PARL: variants seen among roughly 807,000 people sequenced by gnomAD.
The protein encoded by PARL is presenilin-associated rhomboid-like protein, mitochondrial.
In PARL, 44 loss-of-function variants were observed where a neutral mutation model predicts 51.6. That is an observed-to-expected ratio of 0.85 (90% CI 0.67 to 1.10). PARL has a LOEUF of 1.10. PARL is among the 50% of genes least tolerant of loss of function. The pLI is 0.00. For missense variants in PARL, 441 were observed against 469.5 expected (o/e 0.94, Z 0.56); for synonymous variants, 172 against 164.0 (o/e 1.05, Z -0.37).
At chr3:183,865,412 C>T (rs1007627460) in intron 3 of PARL, among the ~76,000 whole-genome samples, 2 of 152,186 alleles carry the variant, frequency 1.3e-5, no homozygotes, top group African/African-American at 2.4e-5. Flanking sequence ...CCCAACAACC[C>T]GGCTGCTGAC....
At chr3:183,871,870 G>A (rs888952847) in intron 1 of PARL, among the ~76,000 whole-genome samples, 129 of 152,220 alleles carry the variant, frequency 8.5e-4, no homozygotes, top group African/African-American at 3.0e-3. Context: ...TATGTAAACT[G>A]TATCTCAATA....
intron 2 of PARL, 115 bp from the exon 3 acceptor site, chr3:183,866,880 A>C (rs1732546525): frequency 1.3e-6 from 1 of 781,174 alleles, no homozygotes; most frequent in Non-Finnish European, 2.1e-6. Flanking sequence ...AGAAGGGAAT[A>C]CTTGGCACAG....
intron 1 of PARL, among the ~76,000 whole-genome samples, chr3:183,868,272 G>A (rs1216251349): frequency 2.0e-5 from 3 of 152,136 alleles, no homozygotes; most frequent in Non-Finnish European, 4.4e-5. Flanking sequence ...CAACTTCAGA[G>A]GATACTACTT....
At chr3:183,828,195 T>C (rs1727566934), downstream of PARL, among the ~76,000 whole-genome samples, 1 of 152,206 alleles carries the variant, frequency 6.6e-6, no homozygotes, top group Non-Finnish European at 1.5e-5. Flanking sequence ...GACTTCTAAC[T>C]TTTTCCCAGT....
intron 4 of PARL, among the ~76,000 whole-genome samples, chr3:183,855,974 A>AAAAAAAAAAC (rs1731111215): frequency 6.6e-6 from 1 of 151,294 alleles, no homozygotes; most frequent in African/African-American, 2.4e-5. Flanking sequence ...AAACAAACAA[A>AAAAAAAAAAC]AAAAAAAACA....
intron 4 of PARL, among the ~76,000 whole-genome samples, chr3:183,861,014 C>T (rs2108660994): frequency 6.6e-6 from 1 of 152,262 alleles, no homozygotes; most frequent in South Asian, 2.1e-4. Context: ...TGGGGTTTCA[C>T]CGTGTTGGCC....
intron 7 of PARL, among the ~76,000 whole-genome samples, chr3:183,835,429 G>C (rs559070469): frequency 9.6e-4 from 146 of 152,218 alleles, no homozygotes; most frequent in Middle Eastern, 6.8e-3. Context: ...TCATATAACT[G>C]CCAAGTGGCC....
At chr3:183,840,519 A>G (rs972155655) in intron 7 of PARL, 51 bp downstream of exon 7, 5 of 861,002 alleles carry the variant, frequency 5.8e-6, no homozygotes, top group African/African-American at 1.7e-5. Flanking sequence ...AACTTATTTC[A>G]AAGTAAATTT....
chr3:183,880,817 T>C (rs1469848793), intron 1 of PARL, among the ~76,000 whole-genome samples: 1 of 152,138 alleles, frequency 6.6e-6, no homozygotes, highest in East Asian at 1.9e-4. Flanking sequence ...GGTTTTTTAT[T>C]TTTTGGGTCT....
chr3:183,854,796 G>A (rs1730959886), intron 4 of PARL, among the ~76,000 whole-genome samples: 1 of 147,936 alleles, frequency 6.8e-6, no homozygotes, highest in Non-Finnish European at 1.5e-5. Context: ...TCCATTCCTG[G>A]CTATATATAC....
intron 1 of PARL, among the ~76,000 whole-genome samples, chr3:183,871,103 G>A (rs1733138765): frequency 1.3e-5 from 2 of 151,974 alleles, no homozygotes; most frequent in Admixed American, 1.3e-4. Flanking sequence ...ATAATTATCT[G>A]TCAGAATAAA....
intron 2 of PARL, 24 bp from the exon 3 acceptor site, chr3:183,866,789 A>G (rs748503219): frequency 1.9e-5 from 28 of 1,506,902 alleles, no homozygotes; most frequent in Non-Finnish European, 2.4e-5. Context: ...GATATATTAC[A>G]AAATAGATTT....
At chr3:183,827,253 A>G (rs554706170), downstream of PARL, among the ~76,000 whole-genome samples, 13 of 152,058 alleles carry the variant, frequency 8.5e-5, no homozygotes, top group Admixed American at 1.3e-4. Flanking sequence ...GGAGTTTGAG[A>G]ACTGCCTGGG....
At chr3:183,862,664 G>T in intron 4 of PARL, 89 bp downstream of exon 4, 1 of 956,854 alleles carries the variant, frequency 1.0e-6, no homozygotes, top group South Asian at 1.3e-5. Context: ...TGGTGAGCAT[G>T]GTACAAGAGC....
At chr3:183,844,122 T>C in intron 5 of PARL, 109 bp downstream of exon 5, 1 of 804,272 alleles carries the variant, frequency 1.2e-6, no homozygotes. Flanking sequence ...GCATTTTGCT[T>C]GTAGCTATTG....
intron 7 of PARL, among the ~76,000 whole-genome samples, chr3:183,839,615 C>CA (rs1462154997): frequency 6.6e-6 from 1 of 152,124 alleles, no homozygotes; most frequent in Non-Finnish European, 1.5e-5. Flanking sequence ...GACAGGGTTT[C>CA]ACCATGTTGA....
chr3:183,840,426 T>A (rs1288540936), intron 7 of PARL, 144 bp downstream of exon 7: 2 of 547,462 alleles, frequency 3.7e-6, no homozygotes, highest in Non-Finnish European at 6.6e-6. Flanking sequence ...CAATGTTAAT[T>A]TCTTGGTTTC....
chr3:183,869,162 C>T (rs995430775), intron 1 of PARL, among the ~76,000 whole-genome samples: 2 of 152,150 alleles, frequency 1.3e-5, no homozygotes, highest in African/African-American at 4.8e-5. Context: ...TTTCCCAGGT[C>T]ACAAAGTAAA....
chr3:183,860,160 G>A (rs2108658571), intron 4 of PARL, among the ~76,000 whole-genome samples: 1 of 152,104 alleles, frequency 6.6e-6, no homozygotes, highest in East Asian at 1.9e-4. Flanking sequence ...AAAACCAGAA[G>A]CTGAGCCAAC....
Sources: allele counts gnomAD v4.1 joint callset (sites outside exome capture counted in the v4.1 genomes callset), GRCh38; gene constraint gnomAD v4.1.1; transcripts MANE v1.5; gene names NCBI Gene and HGNC (gene_info 2026-07-23, HGNC 2026-07-21).